DENND5B: variants seen among roughly 807,000 people sequenced by gnomAD.
DENND5B encodes DENN domain containing 5B, also known as DENN domain-containing protein 5B.
A neutral mutation model predicts 140.6 loss-of-function variants in DENND5B; 34 were observed. That is an observed-to-expected ratio of 0.24 (90% CI 0.18 to 0.32). The LOEUF is 0.32. Ranked by LOEUF, DENND5B falls within the 10% of genes least tolerant of loss-of-function variation. The pLI is 1.00. For missense variants in DENND5B, 1,142 were observed against 1,560.2 expected (o/e 0.73, Z 4.52); for synonymous variants, 551 against 562.1 (o/e 0.98, Z 0.28).
Position 31,387,730 on chromosome 12 carries a change from C to A in DENND5B, c.3698G>T (p.Arg1233Leu). ...PLLAECPAITRMYEESALLRD... is the reference protein window; with the variant it reads ...PLLAECPAITLMYEESALLRD... Reference sequence around the variant, plus strand: ...CAGGAGAGCGCTCTCTTCATACATTCGAGTGATGGCAGGACACTCAGCTAA... The same window carrying A: ...CAGGAGAGCGCTCTCTTCATACATTAGAGTGATGGCAGGACACTCAGCTAA... Residue 1233 changes from arginine to leucine, a missense_variant, in exon 21 of 21, where the codon CGA becomes CTA. Arg to Leu is a moderately radical substitution (Grantham distance 102). Around this residue, in one of 5 missense-constraint regions of DENND5B, gnomAD observed 125 missense variants for 179.0 expected, o/e 0.70. Coordinates refer to ENST00000389082, the MANE Select transcript of DENND5B (RefSeq NM_144973.4). 1 of 1,613,994 alleles carries A rather than the reference C, an allele frequency of 6.2e-7. No individual in the cohort carries two copies. Among genetic ancestry groups the A allele is most frequent in the Non-Finnish European group, 8.5e-7 (1 of 1,179,898 alleles).
At chr12:31,512,389 T>C (rs1428966723) in intron 1 of DENND5B, among the ~76,000 whole-genome samples, 1 of 38,908 alleles carries the variant, frequency 2.6e-5, no homozygotes, top group Non-Finnish European at 4.4e-5. Flanking sequence ...TGGCTAATTT[T>C]TTTTTTTTTT....
chr12:31,590,566 C>T (rs1950585134), intron 1 of DENND5B, 140 bp downstream of exon 1: 3 of 1,053,286 alleles, frequency 2.8e-6, no homozygotes, highest in Admixed American at 4.3e-5. Flanking sequence ...CGCGCCCGAG[C>T]GCCAGTTCGG....
At chr12:31,401,418 G>A (rs1026436568) in intron 15 of DENND5B, among the ~76,000 whole-genome samples, 3 of 152,034 alleles carry the variant, frequency 2.0e-5, no homozygotes, top group Admixed American at 6.6e-5. Context: ...TCCTGGGGGC[G>A]GGAGGGCATC....
chr12:31,551,509 T>C (rs568419843), intron 1 of DENND5B, among the ~76,000 whole-genome samples: 63 of 152,344 alleles, frequency 4.1e-4, no homozygotes, highest in Non-Finnish European at 7.8e-4. Context: ...TGCCTCCAGC[T>C]TTGTTCTTTT....
intron 14 of DENND5B, among the ~76,000 whole-genome samples, chr12:31,406,551 G>A (rs890721288): frequency 6.6e-6 from 1 of 152,050 alleles, no homozygotes; most frequent in Non-Finnish European, 1.5e-5. Context: ...CTTTATTTTA[G>A]GTGCCAGAGG....
chr12:31,398,200 G>A lies in DENND5B; in HGVS notation c.3231C>T (p.Ile1077=), dbSNP rs758524872. 25 of 1,603,004 alleles carry A rather than the reference G, an allele frequency of 1.6e-5. No homozygotes were observed. The East Asian group carries it at 5.2e-4, about 33-fold the overall frequency. Residue 1077 remains isoleucine, a synonymous_variant, in exon 17 of 21, where the codon ATC becomes ATT. Transcript: ENST00000389082. ...KSPTTARRLS[I]TSLTGKNNKP... ...TGTTGTTTTTTCCTGTCAGTGAAGT[G>A]ATGCTCAATCTCCTAGCCGTGGTGG...
intron 1 of DENND5B, among the ~76,000 whole-genome samples, chr12:31,517,884 G>A (rs1947724429): frequency 6.6e-6 from 1 of 152,178 alleles, no homozygotes; most frequent in East Asian, 1.9e-4. Flanking sequence ...CCTTTACTGT[G>A]CCTTTCTGCC....
At chr12:31,479,552 T>G in intron 3 of DENND5B, 37 bp downstream of exon 3, 2 of 1,450,108 alleles carry the variant, frequency 1.4e-6, no homozygotes, top group South Asian at 3.2e-5. Context: ...GCAAAAGTAC[T>G]TGTTTTTGGA....
intron 1 of DENND5B, among the ~76,000 whole-genome samples, chr12:31,545,829 C>T (rs1948835097): frequency 6.6e-6 from 1 of 151,498 alleles, no homozygotes; most frequent in Non-Finnish European, 1.5e-5. Flanking sequence ...TATGGTAGTA[C>T]ATGCCTGTAG....
At chr12:31,568,781 C>T (rs1404728559) in intron 1 of DENND5B, among the ~76,000 whole-genome samples, 1 of 152,192 alleles carries the variant, frequency 6.6e-6, no homozygotes, top group African/African-American at 2.4e-5. Flanking sequence ...TTTTGTGAAC[C>T]AGCCAAATTC....
intron 1 of DENND5B, among the ~76,000 whole-genome samples, chr12:31,508,821 T>C (rs1947302056): frequency 6.6e-6 from 1 of 152,142 alleles, no homozygotes; most frequent in Non-Finnish European, 1.5e-5. Context: ...ACACATCACA[T>C]ATATCAGGAG....
At chr12:31,559,443 A>C (rs1289749939) in intron 1 of DENND5B, among the ~76,000 whole-genome samples, 1 of 150,582 alleles carries the variant, frequency 6.6e-6, no homozygotes. Context: ...AAGCATGTAA[A>C]GTAGCTGAAA....
At chr12:31,483,746 T>C (rs1315694926) in intron 2 of DENND5B, among the ~76,000 whole-genome samples, 1 of 152,084 alleles carries the variant, frequency 6.6e-6, no homozygotes, top group Non-Finnish European at 1.5e-5. Context: ...ACCATCATTT[T>C]AATGGGCATT....
At chr12:31,537,311 G>A (rs1361325347) in intron 1 of DENND5B, among the ~76,000 whole-genome samples, 1 of 152,118 alleles carries the variant, frequency 6.6e-6, no homozygotes, top group Non-Finnish European at 1.5e-5. Context: ...CAAAAAGTTA[G>A]AAAGCAGGGG....
Position 31,434,196 on chromosome 12 carries a change from T to C in DENND5B, c.2013-948A>G, listed in dbSNP as rs948485758. Reference sequence around the variant, plus strand: ...ATATGCAGGACAAATGAGTTTAAAATAAAACCTGAGCTCTTTTCCAAGGCC... The same window carrying C: ...ATATGCAGGACAAATGAGTTTAAAACAAAACCTGAGCTCTTTTCCAAGGCC... On this transcript the variant is annotated intron_variant, in intron 7 of 20. Transcript: ENST00000389082. Among the ~76,000 whole-genome samples the C allele has an allele frequency of 3.9e-5, 6 of 152,294 alleles. No individual in the cohort carries two copies. In the South Asian group the frequency reaches 1.0e-3, roughly 26 times the overall value.
chr12:31,497,374 G>C (rs916241769), intron 1 of DENND5B, among the ~76,000 whole-genome samples: 1 of 152,114 alleles, frequency 6.6e-6, no homozygotes, highest in Non-Finnish European at 1.5e-5. Context: ...CATCTTCTAA[G>C]AGTTGAGAGC....
intron 9 of DENND5B, among the ~76,000 whole-genome samples, chr12:31,425,091 T>C (rs1453654331): frequency 2.0e-5 from 3 of 152,278 alleles, no homozygotes; most frequent in Middle Eastern, 6.8e-3. Context: ...GGCAAGTGGA[T>C]CACCTGGGGT....
intron 2 of DENND5B, among the ~76,000 whole-genome samples, chr12:31,486,843 T>C (rs1015065158): frequency 6.6e-6 from 1 of 152,224 alleles, no homozygotes; most frequent in Non-Finnish European, 1.5e-5. Context: ...GTTACTCCTC[T>C]AAAAAGTATT....
At chr12:31,478,732 C>A (rs1167945987) in intron 3 of DENND5B, among the ~76,000 whole-genome samples, 1 of 151,822 alleles carries the variant, frequency 6.6e-6, no homozygotes, top group Non-Finnish European at 1.5e-5. Context: ...ATTTGTGTAA[C>A]CTTTTTTGAA....
Sources: gnomAD v4.1 joint callset for allele counts (sites outside exome capture counted in the v4.1 genomes callset) on GRCh38, gnomAD v4.1.1 for gene constraint, gnomAD v4.1.1 regional missense constraint, MANE v1.5 for transcripts, NCBI Gene and HGNC (gene_info 2026-07-23, HGNC 2026-07-21) for gene names.